PLCE1: variants seen among roughly 807,000 people sequenced by gnomAD.
PLCE1 encodes the protein phospholipase C epsilon 1.
In PLCE1, 119 loss-of-function variants were observed where a neutral mutation model predicts 242.8. The ratio of observed to expected loss-of-function variants is 0.49; its 90% CI spans 0.42 to 0.57. The LOEUF is 0.57. Among genes scored for constraint, PLCE1 ranks in the 20% least tolerant of loss-of-function variants. The probability of loss-of-function intolerance (pLI) is 0.00; values close to 1 mark genes in which losing one functional copy is unlikely to be tolerated. For synonymous variants in PLCE1, 945 were observed against 1,017.4 expected (o/e 0.93, Z 1.35); for missense variants, 2,441 against 2,788.8 (o/e 0.88, Z 2.81).
intron 4 of PLCE1, among the ~76,000 whole-genome samples, chr10:94,205,629 C>A (rs1009508359): frequency 1.3e-5 from 2 of 152,220 alleles, no homozygotes; most frequent in African/African-American, 4.8e-5. Flanking sequence ...TGGACTGTGC[C>A]TTCTTTAAAA....
At chr10:94,154,845 C>A (rs1003562784) in intron 3 of PLCE1, among the ~76,000 whole-genome samples, 6 of 150,328 alleles carry the variant, frequency 4.0e-5, no homozygotes, top group Non-Finnish European at 5.9e-5. Context: ...TCAAGCCCAG[C>A]CTAGTCAACG....
At chr10:94,184,359 G>T (rs961649710) in intron 4 of PLCE1, among the ~76,000 whole-genome samples, 4 of 152,118 alleles carry the variant, frequency 2.6e-5, no homozygotes, top group African/African-American at 9.7e-5. Context: ...ATGGAGTTTT[G>T]CCCTTGTTGC....
chr10:94,207,141 G>A (rs2049180917), intron 4 of PLCE1, among the ~76,000 whole-genome samples: 1 of 152,132 alleles, frequency 6.6e-6, no homozygotes, highest in South Asian at 2.1e-4. Flanking sequence ...TCAGCATGGA[G>A]GGCAGCCCTG....
At position 94,028,456 on chromosome 10, in the gene PLCE1, A is replaced by G. The variant is rs749560631; in HGVS notation, c.-364-2227A>G. On this transcript the variant is annotated intron_variant, in intron 1 of 32. Coordinates refer to ENST00000371380, the MANE Select transcript of PLCE1 (RefSeq NM_016341.4). The stretch of plus-strand genomic sequence containing the variant: ...CAAGGAGGAAGCTCCAATGACTTTC[A>G]TGACTGATTCTCAGCAGTCATGTAC... 3.3e-5 allele frequency among the ~76,000 whole-genome samples: 5 copies of G among 152,258 alleles called. No homozygotes were observed. In the East Asian group the frequency reaches 5.8e-4, roughly 18 times the overall value.
chr10:94,122,163 G>C (rs1280897130), intron 2 of PLCE1, among the ~76,000 whole-genome samples: 1 of 152,168 alleles, frequency 6.6e-6, no homozygotes, highest in Non-Finnish European at 1.5e-5. Context: ...TTGATCCTCT[G>C]AGCCAGGGAT....
At position 94,247,759 on chromosome 10, in the gene PLCE1, C is replaced by T. The variant is rs375242573; in HGVS notation, c.3096+1138C>T. On this transcript the variant is annotated intron_variant, in intron 8 of 32. Transcript: ENST00000371380. ...TTGAGTGAATTAGTCTTTCATTAACCCTACGTTATCAGGTACTCTAACACT... is the reference window on the plus strand; with the variant it reads ...TTGAGTGAATTAGTCTTTCATTAACTCTACGTTATCAGGTACTCTAACACT... Among the ~76,000 whole-genome samples the T allele has an allele frequency of 2.0e-5, 3 of 152,110 alleles. No homozygotes were observed. In the South Asian group the frequency reaches 6.2e-4, roughly 32 times the overall value.
chr10:94,285,560 C>T (rs2052412391), intron 22 of PLCE1, among the ~76,000 whole-genome samples: 1 of 152,190 alleles, frequency 6.6e-6, no homozygotes, highest in Non-Finnish European at 1.5e-5. Flanking sequence ...TGTTGGCTTT[C>T]TCCCCTTTAT....
At chr10:94,038,852 C>A (rs190181905) in intron 2 of PLCE1, among the ~76,000 whole-genome samples, 45 of 152,224 alleles carry the variant, frequency 3.0e-4, no homozygotes, top group Middle Eastern at 3.4e-3. Flanking sequence ...CAAAAAGCAA[C>A]CCTGTTTCTT....
Position 94,270,720 on chromosome 10 carries a change from A to G in PLCE1, c.4506+118A>G, listed in dbSNP as rs1487905442. On this transcript the variant is annotated intron_variant, in intron 18 of 32. Coordinates refer to ENST00000371380, the MANE Select transcript of PLCE1 (RefSeq NM_016341.4). ...AGTCTCGCTCTCTCACCCAGGCTGG[A>G]GTGCAGTGGTGCAGTCTTGGCTCAC... 13 of 763,530 alleles carry G rather than the reference A, an allele frequency of 1.7e-5. No individual in the cohort carries two copies. In the East Asian group the frequency reaches 2.8e-4, roughly 16 times the overall value. 47.3% of individuals were successfully genotyped at this position (763,530 alleles called of 1,614,324 possible). A position where few individuals can be genotyped will look rare whatever the true frequency, so the allele number is the denominator to read the frequency against.
In PLCE1 at chr10:94,246,348, G is replaced by A; in HGVS notation, c.2823G>A (p.Val941=). ...AAGGGGTCTTGGATCTTTTTGCAGTGAAGGCTGTATACATGGGCCACCCTG... is the reference window on the plus strand; with the variant it reads ...AAGGGGTCTTGGATCTTTTTGCAGTAAAGGCTGTATACATGGGCCACCCTG... The part of the protein sequence containing the change: ...LTEGVLDLFA[V]KAVYMGHPGI... Residue 941 remains valine (V), a synonymous_variant, in exon 8 of 33, where the codon GTG becomes GTA. Coordinates refer to ENST00000371380, the MANE Select transcript of PLCE1 (RefSeq NM_016341.4). 6.2e-7 allele frequency: 1 copy of A among 1,614,168 alleles called. No individual in the cohort carries two copies. The highest frequency in any genetic ancestry group is 2.2e-5 in the East Asian group (1 of 44,882).
intron 11 of PLCE1, among the ~76,000 whole-genome samples, chr10:94,256,700 A>C (rs2051115125): frequency 1.3e-5 from 2 of 152,320 alleles, no homozygotes; most frequent in East Asian, 3.9e-4. Context: ...GAAAGGACGA[A>C]GTAAGGGAGG....
At chr10:94,023,986 A>G (rs2061418559) in intron 1 of PLCE1, among the ~76,000 whole-genome samples, 1 of 152,144 alleles carries the variant, frequency 6.6e-6, no homozygotes, top group Admixed American at 6.6e-5. Flanking sequence ...TGGAATTTTC[A>G]TCATAATAGT....
At chr10:94,297,649 A>G (rs1471980040) in intron 23 of PLCE1, among the ~76,000 whole-genome samples, 1 of 148,670 alleles carries the variant, frequency 6.7e-6, no homozygotes, top group Non-Finnish European at 1.5e-5. Flanking sequence ...GCAAAGTGCA[A>G]TAAAACAAAG....
intron 3 of PLCE1, among the ~76,000 whole-genome samples, chr10:94,153,554 C>T (rs747477338): frequency 2.0e-5 from 3 of 151,838 alleles, no homozygotes; most frequent in Admixed American, 6.6e-5. Context: ...AGTTAGGCAA[C>T]AAAAATAAAT....
At chr10:94,198,072 C>CA (rs1229316501) in intron 4 of PLCE1, among the ~76,000 whole-genome samples, 7 of 127,774 alleles carry the variant, frequency 5.5e-5, no homozygotes, top group African/African-American at 2.5e-4. Flanking sequence ...CCACCCCCCA[C>CA]CAAAAAAAAA....
intron 3 of PLCE1, among the ~76,000 whole-genome samples, chr10:94,151,826 T>TCCCAAGC (rs2047284999): frequency 6.6e-6 from 1 of 152,116 alleles, no homozygotes; most frequent in South Asian, 2.1e-4. Context: ...AGTTGTAGTT[T>TCCCAAGC]CCCAAGCCCC....
chr10:94,293,617 A>G lies in PLCE1; in HGVS notation c.5145A>G (p.Ser1715=), dbSNP rs2052712022. The G allele has an allele frequency of 1.2e-6, 2 of 1,613,922 alleles. No individual in the cohort carries two copies. Among genetic ancestry groups the G allele is most frequent in the East Asian group, 2.2e-5 (1 of 44,858 alleles). ...PGRMSPGETA[S]FNKTSGKSSC... is the part of the protein sequence containing the mutation. ...GAATGAGCCCAGGGGAGACAGCATCATTTAACAAAACATCTGGAAAAAGTA... is the reference window on the plus strand; with the variant it reads ...GAATGAGCCCAGGGGAGACAGCATCGTTTAACAAAACATCTGGAAAAAGTA... The change falls in exon 23 of 33, where the codon TCA becomes TCG. Residue 1715 remains serine (S), a synonymous_variant. Coordinates refer to ENST00000371380, the MANE Select transcript of PLCE1 (RefSeq NM_016341.4).
chr10:94,324,987 T>G lies in PLCE1; in HGVS notation c.6816T>G (p.Pro2272=). 1 of 1,614,176 alleles carries G rather than the reference T, an allele frequency of 6.2e-7. No individual in the cohort carries two copies. Among genetic ancestry groups the G allele is most frequent in the Non-Finnish European group, 8.5e-7 (1 of 1,180,016 alleles). ...AACAGCCCCGAGGACTTACATCACC[T>G]TCTCAGCTCTTGACCTCAGAAAGTA... ...STKQPRGLTS[P]SQLLTSESIQ... Residue 2272 remains proline, a synonymous_variant, in exon 32 of 33, where the codon CCT becomes CCG. Transcript: ENST00000371380.
chr10:94,137,002 C>T (rs572686154), intron 3 of PLCE1, among the ~76,000 whole-genome samples: 1 of 152,178 alleles, frequency 6.6e-6, no homozygotes, highest in Non-Finnish European at 1.5e-5. Flanking sequence ...ACCATCCTGG[C>T]TAACATGGTG....
Sources: gnomAD v4.1 joint callset for allele counts (sites outside exome capture counted in the v4.1 genomes callset) on GRCh38, gnomAD v4.1.1 for gene constraint, MANE v1.5 for transcripts, NCBI Gene and HGNC (gene_info 2026-07-23, HGNC 2026-07-21) for gene names.